The following TSHZ2 variants were observed in gnomAD, a reference collection of about 807,000 sequenced individuals.
TSHZ2 encodes teashirt homolog 2.
Under a neutral mutation model 74.4 loss-of-function variants are expected in TSHZ2, and 21 were observed. That is an observed-to-expected ratio of 0.28 (90% CI 0.20 to 0.41). The LOEUF (loss-of-function observed/expected upper bound fraction) is 0.41. TSHZ2 is among the 10% of genes least tolerant of loss of function. The pLI, the probability that TSHZ2 is intolerant of heterozygous loss-of-function variation, is 1.00. For synonymous variants in TSHZ2, 540 were observed against 515.3 expected (o/e 1.05, Z -0.65); for missense variants, 1,244 against 1,293.5 (o/e 0.96, Z 0.59).
intron 1 of TSHZ2, among the ~76,000 whole-genome samples, chr20:53,162,882 G>A (rs902505876): frequency 6.6e-6 from 1 of 152,104 alleles, no homozygotes; most frequent in Non-Finnish European, 1.5e-5. Flanking sequence ...AATGACCTTC[G>A]TCAGTTATAA....
chr20:53,123,274 A>AT (rs995913060), intron 1 of TSHZ2, among the ~76,000 whole-genome samples: 5 of 152,276 alleles, frequency 3.3e-5, no homozygotes, highest in African/African-American at 9.6e-5. Context: ...AAACTTTAAC[A>AT]TTTTTTTAGC....
intron 1 of TSHZ2, among the ~76,000 whole-genome samples, chr20:53,131,441 C>A (rs546275284): frequency 6.6e-6 from 1 of 152,170 alleles, no homozygotes; most frequent in Admixed American, 6.5e-5. Context: ...TGCAGAAATA[C>A]CTGCTTTGCA....
chr20:53,143,666 T>A (rs900018726), intron 1 of TSHZ2, among the ~76,000 whole-genome samples: 3 of 152,080 alleles, frequency 2.0e-5, no homozygotes, highest in Non-Finnish European at 4.4e-5. Context: ...CACTCCAGCC[T>A]GGGCAACAGA....
At chr20:53,069,330 G>A (rs937932602) in intron 1 of TSHZ2, among the ~76,000 whole-genome samples, 8 of 152,114 alleles carry the variant, frequency 5.3e-5, no homozygotes, top group African/African-American at 1.7e-4. Flanking sequence ...GCTGGACCGT[G>A]AGTGATTTAT....
At chr20:53,314,013 A>C (rs1422863291) in intron 2 of TSHZ2, among the ~76,000 whole-genome samples, 1 of 152,132 alleles carries the variant, frequency 6.6e-6, no homozygotes, top group African/African-American at 2.4e-5. Flanking sequence ...CGATAAATTG[A>C]AATACGATGC....
chr20:53,441,190 C>T (rs1984298442), intron 2 of TSHZ2, among the ~76,000 whole-genome samples: 1 of 150,202 alleles, frequency 6.7e-6, no homozygotes, highest in South Asian at 2.2e-4. Flanking sequence ...TTACTTCTTC[C>T]TTTTTTTTCC....
intron 2 of TSHZ2, among the ~76,000 whole-genome samples, chr20:53,384,929 T>C (rs1446982556): frequency 1.3e-5 from 2 of 152,216 alleles, no homozygotes; most frequent in Admixed American, 6.5e-5. Context: ...GAGACCATCC[T>C]GGCTAACACG....
chr20:53,456,625 C>T (rs868794742), intron 2 of TSHZ2, among the ~76,000 whole-genome samples: 2 of 131,154 alleles, frequency 1.5e-5, no homozygotes, highest in Non-Finnish European at 3.1e-5. Flanking sequence ...GACATGAAGT[C>T]CTTGCCCATG....
chr20:53,154,899 G>A (rs978881363), intron 1 of TSHZ2, among the ~76,000 whole-genome samples: 1 of 151,852 alleles, frequency 6.6e-6, no homozygotes, highest in Non-Finnish European at 1.5e-5. Context: ...TTATTGACAT[G>A]CATTTAATTA....
At chr20:53,330,305 C>T (rs1349724974) in intron 2 of TSHZ2, among the ~76,000 whole-genome samples, 2 of 152,152 alleles carry the variant, frequency 1.3e-5, no homozygotes, top group Non-Finnish European at 2.9e-5. Flanking sequence ...AACTATAGGG[C>T]AATAACAAAG....
At chr20:53,139,083 C>G (rs1423339326) in intron 1 of TSHZ2, among the ~76,000 whole-genome samples, 2 of 152,224 alleles carry the variant, frequency 1.3e-5, no homozygotes, top group African/African-American at 4.8e-5. Flanking sequence ...TTAACCACAA[C>G]TATCTTTTCT....
chr20:53,016,207 C>T (rs761359296), intron 1 of TSHZ2, among the ~76,000 whole-genome samples: 26 of 152,118 alleles, frequency 1.7e-4, no homozygotes, highest in Non-Finnish European at 2.9e-4. Context: ...GCTCATTTTC[C>T]AATTCAATCA....
rs542644236 is a variant in TSHZ2, at chr20:53,077,807, A to G, written c.40+104474A>G. ...TGTTTGGATTACATCACCTTGGACA[A>G]AATTAATAACAAATTTCCTGATAGT... On this transcript the variant is annotated intron_variant, in intron 1 of 2. Transcript: ENST00000371497. Among the ~76,000 whole-genome samples the G allele has an allele frequency of 2.0e-5, 3 of 152,348 alleles. No homozygotes were observed. The South Asian group carries it at 6.2e-4, about 32-fold the overall frequency.
chr20:53,284,025 G>C (rs747539137), intron 2 of TSHZ2, among the ~76,000 whole-genome samples: 10 of 152,222 alleles, frequency 6.6e-5, no homozygotes, highest in African/African-American at 1.9e-4. Context: ...AAGTAAAAAC[G>C]GGTACAGTAA....
chr20:53,287,860 T>C (rs1991198775), intron 2 of TSHZ2, among the ~76,000 whole-genome samples: 1 of 152,228 alleles, frequency 6.6e-6, no homozygotes, highest in Admixed American at 6.5e-5. Context: ...TCAGCTTTTT[T>C]TCCCCTCCAA....
intron 1 of TSHZ2, among the ~76,000 whole-genome samples, chr20:53,252,795 C>G (rs1430842309): frequency 1.3e-5 from 2 of 152,166 alleles, no homozygotes; most frequent in Admixed American, 6.5e-5. Flanking sequence ...ATAAGATAGT[C>G]GCCAAATCTC....
intron 1 of TSHZ2, among the ~76,000 whole-genome samples, chr20:52,994,565 C>G: frequency 6.6e-6 from 1 of 152,134 alleles, no homozygotes; most frequent in Non-Finnish European, 1.5e-5. Flanking sequence ...TGATTTCTGC[C>G]CGGATTTTAT....
At chr20:53,161,696 A>G (rs1987944604) in intron 1 of TSHZ2, among the ~76,000 whole-genome samples, 1 of 152,182 alleles carries the variant, frequency 6.6e-6, no homozygotes, top group African/African-American at 2.4e-5. Context: ...GAACAGCATG[A>G]AGGAATCCGC....
intron 1 of TSHZ2, among the ~76,000 whole-genome samples, chr20:53,209,601 T>A (rs1381560974): frequency 6.6e-6 from 1 of 152,242 alleles, no homozygotes; most frequent in African/African-American, 2.4e-5. Flanking sequence ...GGCCCTACCC[T>A]GCTGAGGTTT....
Sources: allele counts gnomAD v4.1 joint callset (sites outside exome capture counted in the v4.1 genomes callset), GRCh38; gene constraint gnomAD v4.1.1; transcripts MANE v1.5; gene names NCBI Gene and HGNC (gene_info 2026-07-23, HGNC 2026-07-21).